Variants in SIX4 observed in about 807,000 individuals in gnomAD.
SIX4 encodes the protein SIX homeobox 4, also known as homeobox protein SIX4.
A neutral mutation model predicts 51.5 loss-of-function variants in SIX4; 23 were observed. The ratio of observed to expected loss-of-function variants is 0.45; its 90% confidence interval spans 0.32 to 0.63. The LOEUF (loss-of-function observed/expected upper bound fraction) is 0.63. Ranked by LOEUF, SIX4 falls within the 30% of genes least tolerant of loss-of-function variation. The pLI, the probability that SIX4 is intolerant of heterozygous loss-of-function variation, is 0.04. For synonymous variants in SIX4, 413 were observed against 417.3 expected (o/e 0.99, Z 0.13); for missense variants, 867 against 984.0 (o/e 0.88, Z 1.59).
At position 60,714,212 on chromosome 14, in the gene SIX4, A is replaced by T. The variant is rs74856841; in HGVS notation, c.1550-9T>A. On this transcript the variant is annotated splice_polypyrimidine_tract_variant and intron_variant, in intron 2 of 2. Transcript: ENST00000216513. ...GCTTACTGAGATATTACCTAAAAAA[A>T]ATAAAGTACTGATTATCACTGATGG... 3.2e-4 allele frequency: 493 copies of T among 1,558,948 alleles called. 2 individuals carry two copies. The African/African-American group carries it at 6.2e-3, about 20-fold the overall frequency.
Position 60,723,657 on chromosome 14 carries a change from C to A in SIX4, c.418G>T (p.Asp140Tyr). 1 of 1,589,752 alleles carries A rather than the reference C, an allele frequency of 6.3e-7. No individual in the cohort carries two copies. Among genetic ancestry groups the A allele is most frequent in the Non-Finnish European group, 8.6e-7 (1 of 1,169,302 alleles). The stretch of plus-strand genomic sequence containing the variant: ...AGGCTCTCGTTGCCACGTAGCAGGT[C>A]GCTCTGGGGCAGGGACCACAGGAAC... ...ARFLWSLPQSDLLRGNESLLK... is the reference protein window; with the variant it reads ...ARFLWSLPQSYLLRGNESLLK... Residue 140 changes from aspartate to tyrosine, a missense_variant, in exon 1 of 3, where the codon GAC (aspartate) becomes TAC (tyrosine). By Grantham distance (160) the Asp-to-Tyr change is radical (BLOSUM62 -3). Coordinates refer to ENST00000216513, the MANE Select transcript of SIX4 (RefSeq NM_017420.5).
rs1184066539 is a variant in SIX4, at chr14:60,722,699, G to A, written c.863+513C>T. 6.6e-6 allele frequency among the ~76,000 whole-genome samples: 1 copy of A among 152,068 alleles called. No individual in the cohort carries two copies. The highest frequency in any genetic ancestry group is 1.5e-5 in the Non-Finnish European group (1 of 67,998). On this transcript the variant is annotated intron_variant, in intron 1 of 2. Transcript: ENST00000216513. This position sits in a 1 kb window ranked among gnomAD's most constrained non-coding sequence, Gnocchi z 5.9. ...CAGAGCAGCCACCGCGACCTCCAGC[G>A]CAGGCCCGGGGGGCGGCTGAACCCT...
chr14:60,724,273 G>T lies in SIX4; in HGVS notation c.-199C>A, dbSNP rs1211839156. ...GCAGTCACCATTAAGATAGCTGTTA[G>T]AGCAAAGTAGTGTAAACGGATAGCT... is the stretch of plus-strand genomic sequence containing the variant. On this transcript the variant is annotated 5_prime_UTR_variant, in exon 1 of 3. Transcript: ENST00000216513. 1 of 1,532,788 alleles carries T rather than the reference G, an allele frequency of 6.5e-7. No homozygotes were observed. 94.9% of individuals were successfully genotyped at this position (1,532,788 alleles called of 1,614,324 possible).
rs1896099482 is a variant in SIX4, at chr14:60,724,324, C to T, written c.-250G>A. The T allele has an allele frequency of 1.3e-6, 2 of 1,487,636 alleles. No homozygotes were observed. The highest frequency in any genetic ancestry group is 2.8e-5 in the African/African-American group (2 of 71,968). 92.2% of individuals were successfully genotyped at this position (1,487,636 alleles called of 1,614,324 possible). A position where few individuals can be genotyped will look rare whatever the true frequency, so the allele number is the denominator to read the frequency against. On this transcript the variant is annotated 5_prime_UTR_variant, in exon 1 of 3. Coordinates refer to ENST00000216513, the MANE Select transcript of SIX4 (RefSeq NM_017420.5). ...GCTTTCTGCCGTTCCCCCAACGTGA[C>T]TCCTCCGGTTGCTGCATACTATATG...
chr14:60,720,027 C>G lies in SIX4; in HGVS notation c.1282G>C (p.Ala428Pro), dbSNP rs947061026. The change falls in exon 2 of 3, where the codon GCT (alanine) becomes CCT (proline). Residue 428 changes from alanine (A) to proline (P), a missense_variant. Ala to Pro is a conservative substitution (Grantham distance 27, BLOSUM62 -1). Transcript: ENST00000216513. This position sits in a 1 kb window ranked among gnomAD's most constrained non-coding sequence, Gnocchi z 5.5. Reference sequence around the variant, plus strand: ...TAGGACGTGGTGGTTGCTGAGTTAGCAGAACTCTGGAGGACTTTGAATTCC... The same window carrying G: ...TAGGACGTGGTGGTTGCTGAGTTAGGAGAACTCTGGAGGACTTTGAATTCC... ...VKEFKVLQSS[A>P]NSATTTSYSP... 9 of 1,614,068 alleles carry G rather than the reference C, an allele frequency of 5.6e-6. No homozygotes were observed. In the African/African-American group the frequency reaches 1.1e-4, roughly 19 times the overall value.
At chr14:60,723,128 A>G (rs1008575904) in intron 1 of SIX4, 84 bp downstream of exon 1, 4 of 1,429,216 alleles carry the variant, frequency 2.8e-6, no homozygotes, top group Non-Finnish European at 3.6e-6. Flanking sequence ...GGTAAGCGCC[A>G]TGTTTGCGAG....
chr14:60,719,743 C>A lies in SIX4; in HGVS notation c.1549+17G>T. 9.9e-6 allele frequency: 16 copies of A among 1,608,154 alleles called. No individual in the cohort carries two copies. The highest frequency in any genetic ancestry group is 1.4e-5 in the Non-Finnish European group (16 of 1,176,006). ...ACACATTTGCTGGTGCATTAAGGTA[C>A]CAAATGAGATTGTTACCTTGTGAAG... On this transcript the variant is annotated intron_variant, in intron 2 of 2. Transcript: ENST00000216513. This position sits in a 1 kb window ranked among gnomAD's most constrained non-coding sequence, Gnocchi z 4.9.
intron 2 of SIX4, among the ~76,000 whole-genome samples, chr14:60,715,415 A>AT (rs1319727919): frequency 2.0e-5 from 3 of 152,252 alleles, no homozygotes; most frequent in Non-Finnish European, 4.4e-5. Context: ...CAAACTAGCC[A>AT]TAAAGTAATA....
chr14:60,721,660 A>G (rs1244803821), intron 1 of SIX4, among the ~76,000 whole-genome samples: 1 of 151,842 alleles, frequency 6.6e-6, no homozygotes, highest in Non-Finnish European at 1.5e-5. Flanking sequence ...CGAAGAAGCC[A>G]GCAGTGGAGC....
rs1896001381 is a variant in SIX4 at position 60,720,448 on chromosome 14, G to A, written c.864-3C>T. ...TGCTGGGGTTGCCATCTGACTCACT[G>A]TATGGAGGGGGAAATCAAAATGTTC... On this transcript the variant is annotated splice_region_variant and splice_polypyrimidine_tract_variant and intron_variant, in intron 1 of 2. Transcript: ENST00000216513. The surrounding 1 kb of genome is among the most constrained non-coding windows in gnomAD (Gnocchi z 5.5). 1.2e-6 allele frequency: 2 copies of A among 1,607,118 alleles called. No homozygotes were observed. Among genetic ancestry groups the A allele is most frequent in the Non-Finnish European group, 1.7e-6 (2 of 1,176,782 alleles).
Position 60,713,946 on chromosome 14 carries a change from C to T in SIX4, c.1807G>A (p.Gly603Ser), listed in dbSNP as rs776656826. The T allele has an allele frequency of 1.8e-5, 29 of 1,613,946 alleles. No individual in the cohort carries two copies. The highest frequency in any genetic ancestry group is 2.4e-5 in the Non-Finnish European group (28 of 1,180,008). Residue 603 changes from glycine to serine, a missense_variant, in exon 3 of 3, where the codon GGC becomes AGC. Transcript: ENST00000216513. ...AATGAGGAGGCCAGTGGATGCAGGCCACTCCCCGAGATGTTTTCAGAAGAC... is the reference window on the plus strand; with the variant it reads ...AATGAGGAGGCCAGTGGATGCAGGCTACTCCCCGAGATGTTTTCAGAAGAC... ...NLSSENISGS[G>S]LHPLASSLVN... is the part of the protein sequence containing the mutation.
In SIX4 at chr14:60,710,032, G is replaced by C. The variant is rs1004461305; in HGVS notation, c.*3375C>G. The C allele has an allele frequency of 6.6e-6, 1 of 152,588 alleles. No homozygotes were observed. Among genetic ancestry groups the C allele is most frequent in the Non-Finnish European group, 1.5e-5 (1 of 68,038 alleles). 9.5% of individuals were successfully genotyped at this position (152,588 alleles called of 1,614,324 possible). A position where few individuals can be genotyped will look rare whatever the true frequency, so the allele number is the denominator to read the frequency against. On this transcript the variant is annotated 3_prime_UTR_variant, in exon 3 of 3. Coordinates refer to ENST00000216513, the MANE Select transcript of SIX4 (RefSeq NM_017420.5). ...GAGTTTAAAATATCTTTTGTGAAATGTAACTATTTCCCCATAGTTTTCCTG... is the reference window on the plus strand; with the variant it reads ...GAGTTTAAAATATCTTTTGTGAAATCTAACTATTTCCCCATAGTTTTCCTG...
Position 60,724,198 on chromosome 14 carries a change from T to A in SIX4, c.-124A>T. The A allele has an allele frequency of 1.3e-6, 2 of 1,565,722 alleles. No individual in the cohort carries two copies. Among genetic ancestry groups the A allele is most frequent in the Non-Finnish European group, 1.7e-6 (2 of 1,162,928 alleles). ...CTCCCCCTCCGGAAAGCCCACTCCC[T>A]CCCTCCTGGTTTCGGCTGTATCTGG... On this transcript the variant is annotated 5_prime_UTR_variant, in exon 1 of 3. Coordinates refer to ENST00000216513, the MANE Select transcript of SIX4 (RefSeq NM_017420.5).
rs1400242683 is a variant in SIX4 at position 60,722,600 on chromosome 14, C to T, written c.863+612G>A. Among the ~76,000 whole-genome samples, 1 of 152,180 alleles carries T rather than the reference C, an allele frequency of 6.6e-6. No homozygotes were observed. On this transcript the variant is annotated intron_variant, in intron 1 of 2. Transcript: ENST00000216513. The surrounding 1 kb of genome is among the most constrained non-coding windows in gnomAD (Gnocchi z 5.9). ...CCATAGGGGCAGGGTGAATGATTAA[C>T]TCTGTCATATGAAACCTCGACGTTC...
Position 60,713,754 on chromosome 14 carries a change from A to C in SIX4, c.1999T>G (p.Cys667Gly), listed in dbSNP as rs1169985092. 5.0e-6 allele frequency: 8 copies of C among 1,614,120 alleles called. No homozygotes were observed. In the African/African-American group the frequency reaches 1.1e-4, roughly 22 times the overall value. Residue 667 changes from cysteine to glycine, a missense_variant, in exon 3 of 3, where the codon TGC becomes GGC. By Grantham distance (159) the Cys-to-Gly change is radical. Coordinates refer to ENST00000216513, the MANE Select transcript of SIX4 (RefSeq NM_017420.5). ...AGGTCTTGACCAGTAATAAGGGAGC[A>C]GTTCTGAAGAGTTGCATAGTTAGTG... ...SNTNYATLQN[C>G]SLITGQDLLS...
At position 60,723,881 on chromosome 14, in the gene SIX4, A is replaced by C. The variant is rs748059941; in HGVS notation, c.194T>G (p.Val65Gly). Residue 65 changes from valine (V) to glycine (G), a missense_variant, in exon 1 of 3, where the codon GTG becomes GGG. Physicochemically the swap from Val to Gly is moderately radical, Grantham distance 109. Transcript: ENST00000216513. ...PGDAATAAARVSGEEGAVAAA... is the reference protein window; with the variant it reads ...PGDAATAAARGSGEEGAVAAA... ...CGCCACTGCCCCTTCCTCTCCGCTC[A>C]CCCTGGCGGCAGCGGTCGCGGCGTC... 11 of 1,535,128 alleles carry C rather than the reference A, an allele frequency of 7.2e-6. No homozygotes were observed. The highest frequency in any genetic ancestry group is 6.7e-5 in the Admixed American group (3 of 44,558).
rs1895876651 is a variant in SIX4, at chr14:60,714,199, A to G, written c.1554T>C (p.Asn518=). The change falls in exon 3 of 3, where the codon AAT becomes AAC. Residue 518 remains asparagine, a synonymous_variant. Transcript: ENST00000216513. ...CTGAAGTGCTTGAGCTTACTGAGAT[A>G]TTACCTAAAAAAAATAAAGTACTGA... The part of the protein sequence containing the change: ...PPVSVAASQG[N]ISVSSSTSDG... The G allele has an allele frequency of 3.2e-6, 5 of 1,569,968 alleles. No homozygotes were observed. The highest frequency in any genetic ancestry group is 2.6e-6 in the Non-Finnish European group (3 of 1,167,548).
Position 60,713,375 on chromosome 14 carries a change from G to A in SIX4, c.*32C>T. On this transcript the variant is annotated 3_prime_UTR_variant, in exon 3 of 3. Transcript: ENST00000216513. ...GGGCTTCATGAAAAGATTTGCCGCT[G>A]ATGCCAAAAAGAGGTGAGGAGGAAA... 1 of 1,545,254 alleles carries A rather than the reference G, an allele frequency of 6.5e-7. No homozygotes were observed. Among genetic ancestry groups the A allele is most frequent in the Non-Finnish European group, 8.7e-7 (1 of 1,149,866 alleles).
chr14:60,712,654 ATAAAT>A lies in SIX4; in HGVS notation c.*748_*752del, dbSNP rs569594189. ...TTCACTTCCTGTTCAAACAATAAAA[ATAAAT>A]TAAACAGTAAGAAAACATATTTTTC... On this transcript the variant is annotated 3_prime_UTR_variant, in exon 3 of 3. Coordinates refer to ENST00000216513, the MANE Select transcript of SIX4 (RefSeq NM_017420.5). 3.1e-4 allele frequency: 47 copies of A among 152,744 alleles called. No individual in the cohort carries two copies. The highest frequency in any genetic ancestry group is 3.9e-4 in the Admixed American group (6 of 15,304). 9.5% of individuals were successfully genotyped at this position (152,744 alleles called of 1,614,324 possible).
Sources: allele counts gnomAD v4.1 joint callset (sites outside exome capture counted in the v4.1 genomes callset), GRCh38; gene constraint gnomAD v4.1.1; non-coding constraint Gnocchi (gnomAD v3.1); transcripts MANE v1.5; gene names NCBI Gene and HGNC (gene_info 2026-07-23, HGNC 2026-07-21).